SDK2: variants seen among roughly 807,000 people sequenced by gnomAD.
SDK2 encodes the protein protein sidekick-2.
Under a neutral mutation model 253.9 loss-of-function variants are expected in SDK2, and 105 were observed. The observed-to-expected ratio is 0.41, with a 90% CI of 0.35 to 0.49. The LOEUF (loss-of-function observed/expected upper bound fraction) is 0.49, where lower values mean the gene tolerates loss of function less well. SDK2 is among the 20% of genes least tolerant of loss of function. The pLI is 0.06. For missense variants in SDK2, 2,608 were observed against 3,003.0 expected (o/e 0.87, Z 3.07); for synonymous variants, 1,249 against 1,234.9 (o/e 1.01, Z -0.24).
intron 30 of SDK2, 130 bp from the exon 31 acceptor site, chr17:73,386,678 A>T: frequency 1.5e-6 from 1 of 656,622 alleles, no homozygotes; most frequent in Middle Eastern, 3.6e-4. Context: ...ACTACACAGA[A>T]GGGCACACTG....
chr17:73,431,549 G>T lies in SDK2; in HGVS notation c.1433C>A (p.Thr478Asn), dbSNP rs917708678. Residue 478 changes from threonine to asparagine, a missense_variant, in exon 11 of 45, where the codon ACC becomes AAC. By Grantham distance (65) the Thr-to-Asn change is moderately conservative. Transcript: ENST00000392650. This position sits in a 1 kb window ranked among gnomAD's most constrained non-coding sequence, Gnocchi z 5.6. ...GGCCTCATCGACCCCCCGAGAGTTG[G>T]TGGCCAGGCAGGTGTAGGTCCCCGC... ...SDAGTYTCLATNSRGVDEASA... is the reference protein window; with the variant it reads ...SDAGTYTCLANNSRGVDEASA... The T allele has an allele frequency of 6.2e-7, 1 of 1,613,760 alleles. No homozygotes were observed. The highest frequency in any genetic ancestry group is 8.5e-7 in the Non-Finnish European group (1 of 1,179,816).
chr17:73,500,130 T>C (rs1327038689), intron 2 of SDK2, among the ~76,000 whole-genome samples: 1 of 145,376 alleles, frequency 6.9e-6, no homozygotes, highest in African/African-American at 2.5e-5. Flanking sequence ...TCCTCCATCC[T>C]CCATCCATCC....
intron 2 of SDK2, among the ~76,000 whole-genome samples, chr17:73,473,215 T>A (rs1007329909): frequency 2.6e-5 from 4 of 152,192 alleles, no homozygotes; most frequent in Admixed American, 6.5e-5. Flanking sequence ...CAGCAGACTC[T>A]GGCATTGGGG....
chr17:73,558,627 C>T (rs1355656823), intron 1 of SDK2, among the ~76,000 whole-genome samples: 3 of 152,222 alleles, frequency 2.0e-5, no homozygotes, highest in Non-Finnish European at 2.9e-5. Context: ...GGAGGACCCA[C>T]ACACAGCCAG....
intron 1 of SDK2, among the ~76,000 whole-genome samples, chr17:73,630,677 A>G (rs1288519716): frequency 6.6e-6 from 1 of 152,156 alleles, no homozygotes; most frequent in Non-Finnish European, 1.5e-5. Context: ...TCCTGGAGAC[A>G]CAATAAGTCC....
chr17:73,463,320 T>C (rs1481133023), intron 3 of SDK2, among the ~76,000 whole-genome samples: 1 of 152,232 alleles, frequency 6.6e-6, no homozygotes, highest in Non-Finnish European at 1.5e-5. Context: ...TAAAAGGCCT[T>C]GTAAAGTGTG....
Position 73,443,538 on chromosome 17 carries a change from G to A in SDK2, c.614-2615C>T, listed in dbSNP as rs2063431266. Reference sequence around the variant, plus strand: ...AGCCAGGTAAACAGGGAGACCTCAAGGAAGGCGAGTTCTGAGTTTAAAAAT... The same window carrying A: ...AGCCAGGTAAACAGGGAGACCTCAAAGAAGGCGAGTTCTGAGTTTAAAAAT... On this transcript the variant is annotated intron_variant, in intron 5 of 44. Coordinates refer to ENST00000392650, the MANE Select transcript of SDK2 (RefSeq NM_001144952.2). This position sits in a 1 kb window ranked among gnomAD's most constrained non-coding sequence, Gnocchi z 4.6. 6.6e-6 allele frequency among the ~76,000 whole-genome samples: 1 copy of A among 152,226 alleles called. No homozygotes were observed. Among genetic ancestry groups the A allele is most frequent in the Admixed American group, 6.5e-5 (1 of 15,286 alleles).
At chr17:73,389,788 C>CA (rs2062911610) in intron 29 of SDK2, among the ~76,000 whole-genome samples, 1 of 151,634 alleles carries the variant, frequency 6.6e-6, no homozygotes, top group South Asian at 2.1e-4. Flanking sequence ...CTTGTTCTGT[C>CA]ACCCAGGCTG....
At chr17:73,373,532 A>G (rs2062753585) in intron 36 of SDK2, among the ~76,000 whole-genome samples, 1 of 152,062 alleles carries the variant, frequency 6.6e-6, no homozygotes, top group Non-Finnish European at 1.5e-5. Context: ...TTATCTCTAG[A>G]CTTTTTGATA....
At chr17:73,626,855 C>T (rs1599736435) in intron 1 of SDK2, among the ~76,000 whole-genome samples, 1 of 152,258 alleles carries the variant, frequency 6.6e-6, no homozygotes, top group African/African-American at 2.4e-5. Context: ...CCTGATTTAT[C>T]CATGAGCTTG....
intron 38 of SDK2, among the ~76,000 whole-genome samples, chr17:73,362,611 G>A (rs1260943816): frequency 1.3e-5 from 2 of 151,748 alleles, no homozygotes; most frequent in African/African-American, 2.4e-5. Context: ...GGCTGGTCGC[G>A]AACTCCTGGC....
intron 1 of SDK2, among the ~76,000 whole-genome samples, chr17:73,595,391 T>C (rs11650869): frequency 0.33 from 50,611 of 151,992 alleles, 8,828 homozygotes; most frequent in African/African-American, 0.44. Context: ...CCCAAGGATG[T>C]CTGGGCACAA....
At chr17:73,593,332 A>C (rs1344320586) in intron 1 of SDK2, among the ~76,000 whole-genome samples, 1 of 152,200 alleles carries the variant, frequency 6.6e-6, no homozygotes, top group African/African-American at 2.4e-5. Context: ...TGTGGGGAGC[A>C]GAGAATGAAG....
Position 73,379,633 on chromosome 17 carries a change from A to T in SDK2, c.4763-84T>A. ...TGTCCCCAGGGAGGGTGGAGGCTGC[A>T]GGGGGAGGAATGAGGCACCCCCGCC... On this transcript the variant is annotated intron_variant, in intron 34 of 44. Coordinates refer to ENST00000392650, the MANE Select transcript of SDK2 (RefSeq NM_001144952.2). This position sits in a 1 kb window ranked among gnomAD's most constrained non-coding sequence, Gnocchi z 4.5. The T allele has an allele frequency of 1.3e-6, 1 of 790,292 alleles. No individual in the cohort carries two copies. Among genetic ancestry groups the T allele is most frequent in the Non-Finnish European group, 2.1e-6 (1 of 484,748 alleles). The allele number at this position is 790,292 out of a possible 1,614,324, so 49.0% of individuals were successfully genotyped here. A position where few individuals can be genotyped will look rare whatever the true frequency, so the allele number is the denominator to read the frequency against.
intron 44 of SDK2, among the ~76,000 whole-genome samples, chr17:73,339,730 A>T (rs2062418204): frequency 6.6e-6 from 1 of 150,940 alleles, no homozygotes; most frequent in African/African-American, 2.4e-5. Flanking sequence ...ACTTAAAAAA[A>T]TTTTTCTCTT....
intron 1 of SDK2, among the ~76,000 whole-genome samples, chr17:73,587,546 G>A (rs910588335): frequency 1.3e-5 from 2 of 152,234 alleles, no homozygotes; most frequent in Admixed American, 6.5e-5. Context: ...TTACTGGGGC[G>A]TGACTCATGT....
At position 73,576,372 on chromosome 17, in the gene SDK2, G is replaced by A. The variant is rs190771306; in HGVS notation, c.64+67653C>T. Among the ~76,000 whole-genome samples the A allele has an allele frequency of 2.6e-3, 401 of 152,210 alleles. 1 individual carries two copies. Among genetic ancestry groups the A allele is most frequent in the Non-Finnish European group, 4.0e-3 (271 of 68,008 alleles). ...AGCGCGTCCCAAGGATGAGAGGGGC[G>A]TCCCAAGGATGGGAAGGACATCCCA... On this transcript the variant is annotated intron_variant, in intron 1 of 44. Coordinates refer to ENST00000392650, the MANE Select transcript of SDK2 (RefSeq NM_001144952.2).
intron 6 of SDK2, 115 bp from the exon 7 acceptor site, chr17:73,438,269 C>T (rs2063386882): frequency 2.2e-6 from 2 of 892,020 alleles, no homozygotes; most frequent in Admixed American, 5.5e-5. Context: ...CTGGGTTTGC[C>T]ACCTTCCTGC....
rs529567154 is a variant in SDK2, at chr17:73,511,880, C to T, written c.65-4283G>A. ...CTGCTGGGATAACAGAACGTGTGGA[C>T]GTGTCTATGTGTGCACGTGTTTATG... is the stretch of plus-strand genomic sequence containing the variant. On this transcript the variant is annotated intron_variant, in intron 1 of 44. Coordinates refer to ENST00000392650, the MANE Select transcript of SDK2 (RefSeq NM_001144952.2). The surrounding 1 kb of genome is among the most constrained non-coding windows in gnomAD (Gnocchi z 4.9). 1.1e-3 allele frequency among the ~76,000 whole-genome samples: 172 copies of T among 152,074 alleles called. 1 individual carries two copies. Among genetic ancestry groups the T allele is most frequent in the South Asian group, 2.7e-3 (13 of 4,808 alleles).
Sources: gnomAD v4.1 joint callset for allele counts (sites outside exome capture counted in the v4.1 genomes callset) on GRCh38, gnomAD v4.1.1 for gene constraint, Gnocchi (gnomAD v3.1) non-coding constraint, MANE v1.5 for transcripts, NCBI Gene and HGNC (gene_info 2026-07-23, HGNC 2026-07-21) for gene names.